The following NBEAL1 variants were observed in gnomAD, a reference collection of about 807,000 sequenced individuals.
NBEAL1 encodes neurobeachin-like protein 1.
NBEAL1 carries 273 observed loss-of-function variants against 351.3 expected under a neutral mutation model. The observed-to-expected ratio is 0.78, with a 90% confidence interval of 0.70 to 0.86. The LOEUF (loss-of-function observed/expected upper bound fraction) is 0.86, where lower values mean the gene tolerates loss of function less well. Among genes scored for constraint, NBEAL1 ranks in the 40% least tolerant of loss-of-function variants. The pLI is 0.00. For missense variants in NBEAL1, 2,961 were observed against 3,201.3 expected (o/e 0.92, Z 1.81); for synonymous variants, 1,050 against 1,086.4 (o/e 0.97, Z 0.66).
intron 4 of NBEAL1, among the ~76,000 whole-genome samples, chr2:203,050,666 T>C (rs1366309562): frequency 6.6e-6 from 1 of 152,244 alleles, no homozygotes; most frequent in Non-Finnish European, 1.5e-5. Context: ...ATTTATAAAT[T>C]AGGTCTGTGG....
At chr2:203,188,817 T>C (rs1253876448) in intron 45 of NBEAL1, among the ~76,000 whole-genome samples, 1 of 152,222 alleles carries the variant, frequency 6.6e-6, no homozygotes, top group Non-Finnish European at 1.5e-5. Flanking sequence ...GTTTTTGATC[T>C]CTAACATATT....
At chr2:203,071,236 C>T (rs991731256) in intron 7 of NBEAL1, among the ~76,000 whole-genome samples, 2 of 152,074 alleles carry the variant, frequency 1.3e-5, no homozygotes, top group Non-Finnish European at 2.9e-5. Flanking sequence ...ATTTGTTTCT[C>T]ACAGTTCTGG....
intron 55 of NBEAL1, among the ~76,000 whole-genome samples, chr2:203,216,009 TAAAA>T (rs60748031): frequency 6.4e-5 from 8 of 125,508 alleles, no homozygotes; most frequent in Admixed American, 8.0e-5. Context: ...AAACCCTGTC[TAAAA>T]AAAAAAAAAA....
chr2:203,074,367 C>G (rs1035188230), intron 7 of NBEAL1, among the ~76,000 whole-genome samples: 2 of 136,898 alleles, frequency 1.5e-5, no homozygotes, highest in Non-Finnish European at 3.0e-5. Context: ...CTCTGTTACC[C>G]AGGCTGGAGT....
chr2:203,071,190 CAAA>C (rs1441543098), intron 7 of NBEAL1, among the ~76,000 whole-genome samples: 1 of 152,066 alleles, frequency 6.6e-6, no homozygotes, highest in Admixed American at 6.5e-5. Flanking sequence ...ATTGTCATAA[CAAA>C]ATACTGTAGA....
intron 14 of NBEAL1, among the ~76,000 whole-genome samples, chr2:203,109,427 A>T (rs933815291): frequency 6.6e-6 from 1 of 152,218 alleles, no homozygotes; most frequent in Non-Finnish European, 1.5e-5. Context: ...TGCTATAAAT[A>T]TATATAAATA....
In NBEAL1 at chr2:203,204,512, G is replaced by C. The variant is rs957211032; in HGVS notation, c.7506+1731G>C. Among the ~76,000 whole-genome samples the C allele has an allele frequency of 6.6e-5, 10 of 151,438 alleles. No individual in the cohort carries two copies. In the South Asian group the frequency reaches 1.5e-3, roughly 22 times the overall value. On this transcript the variant is annotated intron_variant, in intron 51 of 55. Transcript: ENST00000683969. Reference sequence around the variant, plus strand: ...CGCCTGGCTAGTTTTTGTGTTTTTAGTAGAGAGAAAATGATTGTCTCTGCC... The same window carrying C: ...CGCCTGGCTAGTTTTTGTGTTTTTACTAGAGAGAAAATGATTGTCTCTGCC...
Position 203,199,453 on chromosome 2 carries a change from T to A in NBEAL1, c.7238+6T>A. 6.8e-7 allele frequency: 1 copy of A among 1,466,434 alleles called. No individual in the cohort carries two copies. The highest frequency in any genetic ancestry group is 9.5e-7 in the Non-Finnish European group (1 of 1,048,798). The allele number at this position is 1,466,434 out of a possible 1,614,324, so 90.8% of individuals were successfully genotyped here. On this transcript the variant is annotated splice_donor_region_variant and intron_variant, in intron 49 of 55. Coordinates refer to ENST00000683969, the MANE Select transcript of NBEAL1 (RefSeq NM_001378026.1). ...CAAACTGTGACAAATCCAAAGTAAG[T>A]AAATGAATATGTAAAGCAAAATAGC...
At chr2:203,152,685 C>A (rs926107633) in intron 35 of NBEAL1, among the ~76,000 whole-genome samples, 1 of 152,072 alleles carries the variant, frequency 6.6e-6, no homozygotes, top group Admixed American at 6.6e-5. Flanking sequence ...AACTGTCTCA[C>A]TTGTCTTCTC....
chr2:203,211,515 C>T (rs1053408274), intron 54 of NBEAL1, among the ~76,000 whole-genome samples: 1 of 152,030 alleles, frequency 6.6e-6, no homozygotes, highest in Non-Finnish European at 1.5e-5. Context: ...AGCATGGTAG[C>T]ATGTTCCTGT....
rs545297169 is a variant in NBEAL1 at position 203,172,936 on chromosome 2, A to T, written c.6323+83A>T. 1.2e-4 allele frequency: 148 copies of T among 1,216,316 alleles called. No homozygotes were observed. In the Middle Eastern group the frequency reaches 1.2e-3, roughly 10 times the overall value. 75.3% of individuals were successfully genotyped at this position (1,216,316 alleles called of 1,614,324 possible). A position where few individuals can be genotyped will look rare whatever the true frequency, so the allele number is the denominator to read the frequency against. On this transcript the variant is annotated intron_variant, in intron 41 of 55. Coordinates refer to ENST00000683969, the MANE Select transcript of NBEAL1 (RefSeq NM_001378026.1). ...TTTTTTACTATGGCCAACCAAAAAA[A>T]TTTTTTTTTTATCGTACTACTACTT...
chr2:203,202,820 A>C, intron 51 of NBEAL1, 39 bp downstream of exon 51: 1 of 1,152,482 alleles, frequency 8.7e-7, no homozygotes, highest in Middle Eastern at 1.9e-4. Context: ...TAGGTCAGAG[A>C]TTCACCCTGA....
chr2:203,211,165 G>C, intron 54 of NBEAL1, 59 bp downstream of exon 54: 1 of 1,207,294 alleles, frequency 8.3e-7, no homozygotes, highest in Non-Finnish European at 1.1e-6. Flanking sequence ...TTCTAGTCTA[G>C]AGTGAAAATC....
intron 18 of NBEAL1, among the ~76,000 whole-genome samples, chr2:203,119,754 G>A (rs2062788426): frequency 6.6e-6 from 1 of 152,006 alleles, no homozygotes; most frequent in South Asian, 2.1e-4. Flanking sequence ...CCCTCTTGGA[G>A]GTTAGTGATA....
In NBEAL1 at chr2:203,127,765, T is replaced by G; in HGVS notation, c.3249-16T>G. On this transcript the variant is annotated splice_polypyrimidine_tract_variant and intron_variant, in intron 23 of 55. Transcript: ENST00000683969. The stretch of plus-strand genomic sequence containing the variant: ...AAATTAAAATTTCAATTCTTATACT[T>G]TGTTTTGTCTTTCAGGAATGGTTGT... 1 of 1,448,776 alleles carries G rather than the reference T, an allele frequency of 6.9e-7. No homozygotes were observed. Among genetic ancestry groups the G allele is most frequent in the Non-Finnish European group, 9.4e-7 (1 of 1,061,878 alleles). 89.7% of individuals were successfully genotyped at this position (1,448,776 alleles called of 1,614,324 possible). A position where few individuals can be genotyped will look rare whatever the true frequency, so the allele number is the denominator to read the frequency against.
intron 12 of NBEAL1, 138 bp from the exon 13 acceptor site, chr2:203,107,282 C>CAAAT: frequency 2.1e-6 from 1 of 482,674 alleles, no homozygotes; most frequent in Non-Finnish European, 3.7e-6. Flanking sequence ...TTTAAGAAGG[C>CAAAT]AAATAGTGAA....
chr2:203,112,534 G>T (rs745657190), intron 16 of NBEAL1, among the ~76,000 whole-genome samples: 63 of 152,232 alleles, frequency 4.1e-4, no homozygotes, highest in African/African-American at 1.1e-3. Context: ...TATTGAAGTG[G>T]TTCTCAAAGA....
At chr2:203,119,424 CTTTTTT>C (rs57126638) in intron 18 of NBEAL1, among the ~76,000 whole-genome samples, 2 of 66,654 alleles carry the variant, frequency 3.0e-5, no homozygotes, top group Non-Finnish European at 5.3e-5. Context: ...CGGCCTGTTG[CTTTTTT>C]TTTTTTTTTT....
intron 31 of NBEAL1, among the ~76,000 whole-genome samples, chr2:203,141,532 G>A (rs1340095768): frequency 6.6e-6 from 1 of 150,948 alleles, no homozygotes; most frequent in Admixed American, 6.6e-5. Flanking sequence ...ACAGGCGTGT[G>A]CCACCACACA....
Sources: allele counts gnomAD v4.1 joint callset (sites outside exome capture counted in the v4.1 genomes callset), GRCh38; gene constraint gnomAD v4.1.1; transcripts MANE v1.5; gene names NCBI Gene and HGNC (gene_info 2026-07-23, HGNC 2026-07-21).